The following SUGP2 variants were observed in gnomAD, a reference collection of about 807,000 sequenced individuals.
The protein encoded by SUGP2 is SURP and G-patch domain containing 2.
SUGP2 carries 24 observed loss-of-function variants against 90.5 expected under a neutral mutation model. The ratio of observed to expected loss-of-function variants is 0.27; its 90% CI spans 0.19 to 0.37. The LOEUF is 0.37. Ranked by LOEUF, SUGP2 falls within the 10% of genes least tolerant of loss-of-function variation. The pLI is 1.00. For missense variants in SUGP2, 1,233 were observed against 1,363.3 expected, an observed-to-expected ratio of 0.90 and a Z score of 1.51; for synonymous variants, 473 against 513.4, an observed-to-expected ratio of 0.92 and a Z score of 1.06.
At chr19:19,000,997 A>G (rs186832196) in intron 8 of SUGP2, among the ~76,000 whole-genome samples, 3 of 150,242 alleles carry the variant, frequency 2.0e-5, no homozygotes, top group East Asian at 2.0e-4. Context: ...AAGACACCCA[A>G]TCGGCCTTAG....
intron 3 of SUGP2, among the ~76,000 whole-genome samples, chr19:19,019,593 T>G (rs1482867366): frequency 6.6e-6 from 1 of 151,778 alleles, no homozygotes; most frequent in East Asian, 1.9e-4. Flanking sequence ...ATATCTAGTA[T>G]AAAATATACA....
At position 19,024,809 on chromosome 19, in the gene SUGP2, C is replaced by T. The variant is rs771459115; in HGVS notation, c.1539G>A (p.Ala513=). The T allele has an allele frequency of 6.2e-6, 10 of 1,614,068 alleles. No homozygotes were observed. The highest frequency in any genetic ancestry group is 1.3e-5 in the African/African-American group (1 of 74,926). The change falls in exon 3 of 11, where the codon GCG becomes GCA. Residue 513 remains alanine (A), a synonymous_variant. Coordinates refer to ENST00000452918, the MANE Select transcript of SUGP2 (RefSeq NM_001017392.5). The part of the protein sequence containing the change: ...GLQDIAPSPA[A]FPNFEDSTLF... Reference sequence around the variant, plus strand: ...AAGTGGAGTCTTCGAAGTTTGGAAACGCAGCAGGTGAGGGAGCTATATCTT... The same window carrying T: ...AAGTGGAGTCTTCGAAGTTTGGAAATGCAGCAGGTGAGGGAGCTATATCTT...
chr19:19,028,421 C>G (rs2059016913), intron 2 of SUGP2, among the ~76,000 whole-genome samples: 1 of 152,172 alleles, frequency 6.6e-6, no homozygotes, highest in Admixed American at 6.5e-5. Flanking sequence ...GAGATGAGCA[C>G]AGACGTGGAT....
chr19:19,010,979 A>G (rs1471009286), intron 4 of SUGP2, among the ~76,000 whole-genome samples: 1 of 151,240 alleles, frequency 6.6e-6, no homozygotes, highest in African/African-American at 2.4e-5. Flanking sequence ...ATTTCCACAA[A>G]ATAAAAAAAT....
In SUGP2 at chr19:19,029,222, AC is replaced by A. The variant is rs537540823; in HGVS notation, c.121+1728del. Among the ~76,000 whole-genome samples the A allele has an allele frequency of 2.6e-3, 384 of 146,898 alleles. 3 individuals are homozygous for A. Among genetic ancestry groups the A allele is most frequent in the Non-Finnish European group, 2.3e-3 (156 of 66,452 alleles). ...AGTGGCACAACCTTGGCTCGCTGCAACCTCCGCCTCCTGGGTTCACGCCATT... is the reference window on the plus strand; with the variant it reads ...AGTGGCACAACCTTGGCTCGCTGCAACTCCGCCTCCTGGGTTCACGCCATT... On this transcript the variant is annotated intron_variant, in intron 2 of 10. Transcript: ENST00000452918.
In SUGP2 at chr19:18,994,450, G is replaced by T. The variant is rs4808897; in HGVS notation, c.3165C>A (p.Asp1055Glu). 1.9e-6 allele frequency: 3 copies of T among 1,613,990 alleles called. No individual in the cohort carries two copies. The Admixed American group carries it at 5.0e-5, about 27-fold the overall frequency. ...ATGTGTCTTCTTTGTGCTCCTGCCC[G>T]TCAGCACCCAACCCTTCCCCTTCCG... ...TPSEGEGLGA[D>E]GQEHKEDTFD... is the part of the protein sequence containing the mutation. The change falls in exon 10 of 11, where the codon GAC (aspartate) becomes GAA (glutamate). Residue 1055 changes from aspartate (D) to glutamate (E), a missense_variant. Around this residue, in one of 8 missense-constraint regions of SUGP2, gnomAD observed 53 missense variants for 55.3 expected, o/e 0.96. Transcript: ENST00000452918.
intron 10 of SUGP2, 43 bp downstream of exon 10, chr19:18,994,323 C>A (rs146224647): frequency 1.9e-6 from 3 of 1,592,656 alleles, no homozygotes; most frequent in Non-Finnish European, 1.7e-6. Flanking sequence ...TACCAGCACG[C>A]CAGCGAGGGC....
chr19:19,006,347 A>C (rs1365615444), intron 6 of SUGP2, among the ~76,000 whole-genome samples: 1 of 152,216 alleles, frequency 6.6e-6, no homozygotes, highest in Non-Finnish European at 1.5e-5. Flanking sequence ...AAAGAAACAC[A>C]AAGTCATCTT....
intron 4 of SUGP2, among the ~76,000 whole-genome samples, chr19:19,014,372 A>G (rs1487922046): frequency 6.6e-6 from 1 of 152,170 alleles, no homozygotes; most frequent in African/African-American, 2.4e-5. Context: ...ACAAGGCTCC[A>G]GTGGGAACAA....
chr19:18,994,049 G>C (rs1325413704), intron 10 of SUGP2: 1 of 221,224 alleles, frequency 4.5e-6, no homozygotes, highest in Non-Finnish European at 9.0e-6. Context: ...GAAGAGACAG[G>C]CGTGGCCTAT....
intron 1 of SUGP2, 89 bp from the exon 2 acceptor site, chr19:19,031,171 GT>G (rs2011738066): frequency 7.1e-7 from 1 of 1,411,458 alleles, no homozygotes; most frequent in Non-Finnish European, 9.6e-7. Flanking sequence ...ACTTTGGGAG[GT>G]CGAGGTGGGC....
At chr19:19,021,777 C>T (rs146125804) in intron 3 of SUGP2, among the ~76,000 whole-genome samples, 1 of 152,028 alleles carries the variant, frequency 6.6e-6, no homozygotes, top group East Asian at 1.9e-4. Context: ...AGCATCTCTC[C>T]TGCCTCAGCT....
intron 3 of SUGP2, among the ~76,000 whole-genome samples, chr19:19,021,895 C>G (rs1436451869): frequency 6.6e-6 from 1 of 152,132 alleles, no homozygotes; most frequent in Non-Finnish European, 1.5e-5. Flanking sequence ...GAACTCCTGA[C>G]CTCAGGTGAT....
At position 19,004,211 on chromosome 19, in the gene SUGP2, C is replaced by A. The variant is rs770222932; in HGVS notation, c.2886G>T (p.Met962Ile). 18 of 1,595,006 alleles carry A rather than the reference C, an allele frequency of 1.1e-5. No individual in the cohort carries two copies. The South Asian group carries it at 2.0e-4, about 18-fold the overall frequency. Residue 962 changes from methionine (M) to isoleucine (I), a missense_variant, in exon 7 of 11, where the codon ATG becomes ATT. This residue lies in a region of SUGP2 where 105 missense variants were observed against 155.2 expected (regional missense o/e 0.68). Transcript: ENST00000452918. ...GACACACTCTCTTGGGAGCTGGAAT[C>A]ATGCCAACCTTCAATGACTTGCTGC... is the stretch of plus-strand genomic sequence containing the variant. ...RISSKSLKVG[M>I]IPAPKRVCLI... is the part of the protein sequence containing the mutation.
intron 2 of SUGP2, among the ~76,000 whole-genome samples, chr19:19,029,081 C>T (rs567290066): frequency 5.9e-5 from 9 of 152,234 alleles, no homozygotes; most frequent in South Asian, 4.1e-4. Context: ...TGGGCACAAG[C>T]GAACTTCCTG....
chr19:18,996,103 C>T (rs2057570560), intron 8 of SUGP2, among the ~76,000 whole-genome samples: 1 of 152,136 alleles, frequency 6.6e-6, no homozygotes, highest in Admixed American at 6.6e-5. Context: ...CACGAGTCAA[C>T]TTGTGTGGGT....
intron 6 of SUGP2, among the ~76,000 whole-genome samples, chr19:19,008,102 G>A (rs927988988): frequency 6.6e-6 from 1 of 152,124 alleles, no homozygotes; most frequent in African/African-American, 2.4e-5. Context: ...CCAGGCTGTG[G>A]GCTGGCTCAG....
chr19:18,995,415 G>A, intron 8 of SUGP2, 135 bp from the exon 9 acceptor site: 1 of 1,048,380 alleles, frequency 9.5e-7, no homozygotes, highest in East Asian at 2.7e-5. Flanking sequence ...TCAAGCTCCA[G>A]TCACTTCCCC....
chr19:19,019,358 C>A (rs2058621872), intron 3 of SUGP2, 129 bp from the exon 4 acceptor site: 2 of 1,015,232 alleles, frequency 2.0e-6, no homozygotes, highest in Non-Finnish European at 2.7e-6. Flanking sequence ...TCCTCATTCA[C>A]AAGACACCAG....
Sources: allele counts gnomAD v4.1 joint callset (sites outside exome capture counted in the v4.1 genomes callset), GRCh38; gene constraint gnomAD v4.1.1; regional missense constraint gnomAD v4.1.1; transcripts MANE v1.5; gene names NCBI Gene and HGNC (gene_info 2026-07-23, HGNC 2026-07-21).